Variants in TPST1 observed in about 807,000 individuals in gnomAD.
TPST1 encodes the protein protein-tyrosine sulfotransferase 1.
In TPST1, 20 loss-of-function variants were observed where a neutral mutation model predicts 34.8. The ratio of observed to expected loss-of-function variants is 0.57; its 90% CI spans 0.40 to 0.84. The LOEUF is 0.84. TPST1 is among the 40% of genes least tolerant of loss of function. TPST1 has a pLI of 0.00. For missense variants in TPST1, 353 were observed against 455.5 expected (o/e 0.78, Z 2.05); for synonymous variants, 152 against 159.4 (o/e 0.95, Z 0.35).
At position 66,236,196 on chromosome 7, in the gene TPST1, T is replaced by C. The variant is rs117631118; in HGVS notation, c.-101-4129T>C. Among the ~76,000 whole-genome samples, 60 of 152,284 alleles carry C rather than the reference T, an allele frequency of 3.9e-4. No homozygotes were observed. The East Asian group carries it at 0.01, about 25-fold the overall frequency. ...GTGATTTGGGGGCCCCAAGATTTAT[T>C]TTCCTTTCACAAGTATGAGGGTGTA... On this transcript the variant is annotated intron_variant, in intron 1 of 5. Coordinates refer to ENST00000304842, the MANE Select transcript of TPST1 (RefSeq NM_003596.4).
chr7:66,299,144 A>G (rs1443847264), intron 3 of TPST1, among the ~76,000 whole-genome samples: 2 of 150,794 alleles, frequency 1.3e-5, no homozygotes, highest in African/African-American at 4.9e-5. Flanking sequence ...AAAAAAATCC[A>G]GATAGTAAAT....
At position 66,360,083 on chromosome 7, in the gene TPST1, G is replaced by A; in HGVS notation, c.*218G>A. ...TCTGCCTCCTGAGCAAAGAGCTCTT[G>A]ATCCCGATTTCATGCACAGCCCTGC... On this transcript the variant is annotated 3_prime_UTR_variant, in exon 6 of 6. Transcript: ENST00000304842. 2.5e-6 allele frequency: 1 copy of A among 403,370 alleles called. No homozygotes were observed. Among genetic ancestry groups the A allele is most frequent in the Admixed American group, 2.7e-5 (1 of 37,106 alleles). 25.0% of individuals were successfully genotyped at this position (403,370 alleles called of 1,614,324 possible). A position where few individuals can be genotyped will look rare whatever the true frequency, so the allele number is the denominator to read the frequency against.
the TPST1 span, among the ~76,000 whole-genome samples, chr7:66,199,050 CT>C: frequency 6.6e-6 from 1 of 152,156 alleles, no homozygotes; most frequent in Non-Finnish European, 1.5e-5. Context: ...CGTCAAAGAT[CT>C]TTGGCTCTGG....
intron 3 of TPST1, among the ~76,000 whole-genome samples, chr7:66,345,489 CAAAAAAAAAAAAA>C (rs58837242): frequency 3.1e-5 from 2 of 64,862 alleles, no homozygotes; most frequent in Non-Finnish European, 5.4e-5. Context: ...ACTCCATCTC[CAAAAAAAAAAAAA>C]AAAAAAAAAA....
chr7:66,303,436 G>A (rs1791359413), intron 3 of TPST1, among the ~76,000 whole-genome samples: 1 of 46,754 alleles, frequency 2.1e-5, no homozygotes, highest in South Asian at 4.7e-4. Flanking sequence ...TTGAAACGGA[G>A]TCTCATTCTG....
chr7:66,313,483 T>TA (rs1267570432), intron 3 of TPST1, among the ~76,000 whole-genome samples: 2 of 152,138 alleles, frequency 1.3e-5, no homozygotes. Context: ...TTGCAAATAC[T>TA]AAATGTTGGA....
intron 3 of TPST1, among the ~76,000 whole-genome samples, chr7:66,348,072 G>A (rs1792391996): frequency 6.6e-6 from 1 of 152,076 alleles, no homozygotes; most frequent in Non-Finnish European, 1.5e-5. Context: ...TAGTTGCTTA[G>A]GCAAAACACC....
chr7:66,296,247 TCCCCC>T (rs1554349788), intron 3 of TPST1, among the ~76,000 whole-genome samples: 1 of 40,066 alleles, frequency 2.5e-5, no homozygotes, highest in African/African-American at 1.3e-4. Flanking sequence ...CACCCACCCT[TCCCCC>T]CCCCCTCCCC....
chr7:66,252,188 G>A (rs1790276452), intron 2 of TPST1, among the ~76,000 whole-genome samples: 1 of 150,926 alleles, frequency 6.6e-6, no homozygotes, highest in Non-Finnish European at 1.5e-5. Context: ...CTCCCAAGTA[G>A]CTGGGACTAC....
chr7:66,356,472 C>T (rs1032798069), intron 4 of TPST1, among the ~76,000 whole-genome samples: 1 of 152,224 alleles, frequency 6.6e-6, no homozygotes, highest in Non-Finnish European at 1.5e-5. Context: ...GCCAACCTCC[C>T]CTCCCCAGAG....
At chr7:66,320,749 C>G (rs1791739691) in intron 3 of TPST1, among the ~76,000 whole-genome samples, 1 of 151,814 alleles carries the variant, frequency 6.6e-6, no homozygotes, top group Non-Finnish European at 1.5e-5. Context: ...CAGACATGTG[C>G]CACCACGCCC....
intron 3 of TPST1, among the ~76,000 whole-genome samples, chr7:66,339,823 C>A: frequency 7.2e-6 from 1 of 138,862 alleles, no homozygotes; most frequent in African/African-American, 2.8e-5. Flanking sequence ...AGCACATGTA[C>A]CCCTCAACCT....
At chr7:66,306,145 C>T (rs2116080339) in intron 3 of TPST1, among the ~76,000 whole-genome samples, 1 of 151,670 alleles carries the variant, frequency 6.6e-6, no homozygotes, top group South Asian at 2.1e-4. Flanking sequence ...GTGCACGTCT[C>T]TCTCTCTCTC....
intron 3 of TPST1, among the ~76,000 whole-genome samples, chr7:66,304,591 C>G (rs1426557344): frequency 6.6e-6 from 1 of 152,188 alleles, no homozygotes; most frequent in African/African-American, 2.4e-5. Flanking sequence ...TACACACCTA[C>G]TTAAACCATA....
chr7:66,224,664 T>C (rs1789611036), intron 1 of TPST1, among the ~76,000 whole-genome samples: 1 of 152,166 alleles, frequency 6.6e-6, no homozygotes, highest in African/African-American at 2.4e-5. Context: ...TCTACTTTTG[T>C]TGACTGATCC....
At chr7:66,326,330 C>T (rs1418158641) in intron 3 of TPST1, among the ~76,000 whole-genome samples, 1 of 152,090 alleles carries the variant, frequency 6.6e-6, no homozygotes, top group Non-Finnish European at 1.5e-5. Flanking sequence ...TCAGAATGCC[C>T]TGTGAGCTCA....
the TPST1 span, among the ~76,000 whole-genome samples, chr7:66,199,968 G>C: frequency 6.6e-6 from 1 of 151,708 alleles, no homozygotes; most frequent in Non-Finnish European, 1.5e-5. Flanking sequence ...CTCACCTCGT[G>C]ATCTGCCCGC....
chr7:66,311,630 T>C (rs1413538933), intron 3 of TPST1, among the ~76,000 whole-genome samples: 1 of 152,234 alleles, frequency 6.6e-6, no homozygotes, highest in Non-Finnish European at 1.5e-5. Flanking sequence ...TACTACCTTC[T>C]AGTGCTTCAG....
intron 2 of TPST1, among the ~76,000 whole-genome samples, chr7:66,248,081 A>G (rs1449593811): frequency 6.6e-6 from 1 of 152,246 alleles, no homozygotes; most frequent in Non-Finnish European, 1.5e-5. Context: ...TGAACACCTT[A>G]ACAAAGATGA....
Sources: allele counts gnomAD v4.1 joint callset (sites outside exome capture counted in the v4.1 genomes callset), GRCh38; gene constraint gnomAD v4.1.1; transcripts MANE v1.5; gene names NCBI Gene and HGNC (gene_info 2026-07-23, HGNC 2026-07-21).